Variants in CPQ observed in about 807,000 individuals in gnomAD.
CPQ encodes the protein Ser-Met dipeptidase.
Under a neutral mutation model 45.7 loss-of-function variants are expected in CPQ, and 37 were observed. That is an observed-to-expected ratio of 0.81 (90% confidence interval 0.62 to 1.07). CPQ has a LOEUF of 1.07. Among genes scored for constraint, CPQ ranks in the 50% least tolerant of loss-of-function variants. CPQ has a pLI of 0.00. For missense variants in CPQ, 537 were observed against 572.9 expected (o/e 0.94, Z 0.64); for synonymous variants, 186 against 205.8 (o/e 0.90, Z 0.82).
intron 5 of CPQ, among the ~76,000 whole-genome samples, chr8:96,973,475 C>T (rs1813717018): frequency 6.6e-6 from 1 of 152,114 alleles, no homozygotes; most frequent in South Asian, 2.1e-4. Context: ...ACTTCCCTGG[C>T]CTTCCTAGAG....
At chr8:96,967,996 T>C (rs1030858468) in intron 5 of CPQ, among the ~76,000 whole-genome samples, 2 of 152,258 alleles carry the variant, frequency 1.3e-5, no homozygotes, top group African/African-American at 4.8e-5. Flanking sequence ...TTAACTTTTA[T>C]AACTTAACTT....
intron 3 of CPQ, among the ~76,000 whole-genome samples, chr8:96,852,573 C>T (rs139111874): frequency 6.6e-6 from 1 of 152,186 alleles, no homozygotes; most frequent in Non-Finnish European, 1.5e-5. Context: ...CTGCTTATTT[C>T]TCTCTCTTTC....
At chr8:97,044,711 C>G (rs1336177210) in intron 6 of CPQ, among the ~76,000 whole-genome samples, 1 of 152,124 alleles carries the variant, frequency 6.6e-6, no homozygotes, top group Non-Finnish European at 1.5e-5. Flanking sequence ...CAGACAGGAC[C>G]CTCAGCTGCA....
intron 1 of CPQ, among the ~76,000 whole-genome samples, chr8:96,656,556 AGGGC>A (rs1815640071): frequency 6.6e-6 from 1 of 152,150 alleles, no homozygotes; most frequent in African/African-American, 2.4e-5. Context: ...GTCTCTGGGC[AGGGC>A]CTTAGAGTGG....
chr8:97,083,104 T>TA (rs1810981046), intron 7 of CPQ, among the ~76,000 whole-genome samples: 1 of 152,170 alleles, frequency 6.6e-6, no homozygotes, highest in South Asian at 2.1e-4. Context: ...TCCTGATCTG[T>TA]AAAATGAGGG....
intron 1 of CPQ, among the ~76,000 whole-genome samples, chr8:96,655,840 C>G (rs1157403139): frequency 2.0e-5 from 3 of 152,148 alleles, no homozygotes; most frequent in Non-Finnish European, 4.4e-5. Context: ...TGGGGACCGT[C>G]TATATTTGTA....
At chr8:96,676,706 T>C (rs768525769) in intron 1 of CPQ, among the ~76,000 whole-genome samples, 3 of 152,062 alleles carry the variant, frequency 2.0e-5, no homozygotes, top group Non-Finnish European at 2.9e-5. Flanking sequence ...GTTTTTGGGG[T>C]GCAGTTGGTG....
intron 1 of CPQ, among the ~76,000 whole-genome samples, chr8:96,686,196 A>C (rs1429884225): frequency 6.6e-6 from 1 of 151,970 alleles, no homozygotes; most frequent in African/African-American, 2.4e-5. Context: ...CCTGCATTTT[A>C]CTGTCTAGTT....
intron 7 of CPQ, among the ~76,000 whole-genome samples, chr8:97,070,671 GATGTA>G (rs1473357509): frequency 6.6e-6 from 1 of 152,150 alleles, no homozygotes; most frequent in African/African-American, 2.4e-5. Flanking sequence ...ACTGAGAGAA[GATGTA>G]TCTTTCAATA....
intron 2 of CPQ, among the ~76,000 whole-genome samples, chr8:96,818,260 A>G (rs1460882631): frequency 6.6e-6 from 1 of 151,910 alleles, no homozygotes; most frequent in African/African-American, 2.4e-5. Flanking sequence ...CTTCCGGACA[A>G]GTCAGAACAC....
chr8:96,979,803 A>G (rs1813857622), intron 5 of CPQ, among the ~76,000 whole-genome samples: 1 of 152,214 alleles, frequency 6.6e-6, no homozygotes, highest in East Asian at 1.9e-4. Context: ...TAAAGAAAGT[A>G]TTGAGGGAAG....
intron 7 of CPQ, among the ~76,000 whole-genome samples, chr8:97,073,665 G>A (rs546690815): frequency 6.6e-6 from 1 of 152,270 alleles, no homozygotes; most frequent in African/African-American, 2.4e-5. Flanking sequence ...TGAGGAGAGA[G>A]GATGAAAAAG....
At chr8:96,679,926 T>C (rs1351760730) in intron 1 of CPQ, among the ~76,000 whole-genome samples, 1 of 152,136 alleles carries the variant, frequency 6.6e-6, no homozygotes, top group Admixed American at 6.5e-5. Flanking sequence ...TTAGTTTTGT[T>C]CTAATGTTAT....
chr8:96,871,690 T>G (rs1311197132), intron 3 of CPQ, among the ~76,000 whole-genome samples: 1 of 151,886 alleles, frequency 6.6e-6, no homozygotes, highest in Non-Finnish European at 1.5e-5. Context: ...GTTTACATCA[T>G]TGAAAACTCA....
At chr8:96,789,844 G>A (rs1407092142) in intron 2 of CPQ, among the ~76,000 whole-genome samples, 3 of 152,150 alleles carry the variant, frequency 2.0e-5, no homozygotes, top group African/African-American at 4.8e-5. Flanking sequence ...CTTTGTTGAC[G>A]GATCTGTGTG....
chr8:96,751,996 G>A (rs1810268394), intron 1 of CPQ, among the ~76,000 whole-genome samples: 1 of 151,824 alleles, frequency 6.6e-6, no homozygotes, highest in Admixed American at 6.6e-5. Context: ...CATTCTATGT[G>A]TCTGTTTTTT....
chr8:96,748,325 C>T (rs916416611), intron 1 of CPQ, among the ~76,000 whole-genome samples: 1 of 152,016 alleles, frequency 6.6e-6, no homozygotes, highest in Non-Finnish European at 1.5e-5. Context: ...TAGACCTTTC[C>T]AAGTATTATT....
chr8:97,127,103 G>T (rs576073182), intron 7 of CPQ, among the ~76,000 whole-genome samples: 9 of 152,090 alleles, frequency 5.9e-5, no homozygotes, highest in Non-Finnish European at 1.2e-4. Flanking sequence ...TTGACCTCAG[G>T]TTAGGTAAAG....
At chr8:96,732,627 G>C (rs536496647) in intron 1 of CPQ, among the ~76,000 whole-genome samples, 1 of 151,566 alleles carries the variant, frequency 6.6e-6, no homozygotes, top group South Asian at 2.1e-4. Flanking sequence ...TTCCTAAGAA[G>C]TAAAATGTTA....
Sources: gnomAD v4.1 joint callset for allele counts (sites outside exome capture counted in the v4.1 genomes callset) on GRCh38, gnomAD v4.1.1 for gene constraint, MANE v1.5 for transcripts, NCBI Gene and HGNC (gene_info 2026-07-23, HGNC 2026-07-21) for gene names.